Variants in SPN observed in about 807,000 individuals in gnomAD.
The protein encoded by SPN is sialophorin.
SPN carries 6 observed loss-of-function variants against 8.4 expected under a neutral mutation model. The observed-to-expected ratio is 0.72, with a 90% confidence interval of 0.39 to 1.42. The LOEUF (loss-of-function observed/expected upper bound fraction) is 1.42, where lower values mean the gene tolerates loss of function less well. SPN is among the 40% of genes most tolerant of loss of function. The probability of loss-of-function intolerance (pLI) is 0.02; values close to 1 mark genes in which losing one functional copy is unlikely to be tolerated. For synonymous variants in SPN, 201 were observed against 222.6 expected (o/e 0.90, Z 0.86); for missense variants, 517 against 530.6 (o/e 0.97, Z 0.25).
Position 29,665,326 on chromosome 16 carries a change from G to T in SPN, c.*395G>T. 1 of 171,368 alleles carries T rather than the reference G, an allele frequency of 5.8e-6. No individual in the cohort carries two copies. 10.6% of individuals were successfully genotyped at this position (171,368 alleles called of 1,614,324 possible). ...CTGCCTCAGCCTCCCAAAGTGCTGA[G>T]ATTACAGACATGAGCCTCCGCGCCT... On this transcript the variant is annotated 3_prime_UTR_variant, in exon 2 of 2. Transcript: ENST00000652691.
chr16:29,665,727 A>G lies in SPN; in HGVS notation c.*796A>G, dbSNP rs1966800425. 6.0e-6 allele frequency: 1 copy of G among 167,066 alleles called. No individual in the cohort carries two copies. The highest frequency in any genetic ancestry group is 2.1e-4 in the South Asian group (1 of 4,834). 10.3% of individuals were successfully genotyped at this position (167,066 alleles called of 1,614,324 possible). A position where few individuals can be genotyped will look rare whatever the true frequency, so the allele number is the denominator to read the frequency against. On this transcript the variant is annotated 3_prime_UTR_variant, in exon 2 of 2. Transcript: ENST00000652691. ...ACTTTGTAAAGCACCCTTGCCCTGTAGCTGCAAGGGCTGTGGAACCTGGGC... is the reference window on the plus strand; with the variant it reads ...ACTTTGTAAAGCACCCTTGCCCTGTGGCTGCAAGGGCTGTGGAACCTGGGC...
rs938049252 is a variant in SPN at position 29,663,373 on chromosome 16, T to C, written c.-35+57T>C. ...CTCAGTGGGCCTGGGAATGTGCCTG[T>C]GGCTTGAAAAGACTCTGACAGGTTA... On this transcript the variant is annotated intron_variant, in intron 1 of 1. Transcript: ENST00000652691. The surrounding 1 kb of genome is among the most constrained non-coding windows in gnomAD (Gnocchi z 4.3). The C allele has an allele frequency of 5.1e-6, 1 of 196,580 alleles. No individual in the cohort carries two copies. Among genetic ancestry groups the C allele is most frequent in the African/African-American group, 2.3e-5 (1 of 42,682 alleles). The allele number at this position is 196,580 out of a possible 1,614,324, so 12.2% of individuals were successfully genotyped here.
In SPN at chr16:29,668,672, T is replaced by C. The variant is rs1966840572; in HGVS notation, c.*3741T>C. On this transcript the variant is annotated 3_prime_UTR_variant, in exon 2 of 2. Coordinates refer to ENST00000652691, the MANE Select transcript of SPN (RefSeq NM_003123.6). ...TGTGTTGCCCAGGCTGGTCTCAAAC[T>C]CCTGGGCTCAAGTGGTCCTCCCACC... The C allele has an allele frequency of 6.0e-6, 1 of 166,284 alleles. No homozygotes were observed. The highest frequency in any genetic ancestry group is 1.5e-5 in the Non-Finnish European group (1 of 68,054). The allele number at this position is 166,284 out of a possible 1,614,324, so 10.3% of individuals were successfully genotyped here. A position where few individuals can be genotyped will look rare whatever the true frequency, so the allele number is the denominator to read the frequency against.
chr16:29,666,687 C>G lies in SPN; in HGVS notation c.*1756C>G. On this transcript the variant is annotated 3_prime_UTR_variant, in exon 2 of 2. Transcript: ENST00000652691. ...GTTTGTCTGTGTCTCCTCTTCCATC[C>G]CAGGGGCTGAGCCCCTTCCATCCTC... is the stretch of plus-strand genomic sequence containing the variant. 1 of 341,378 alleles carries G rather than the reference C, an allele frequency of 2.9e-6. No individual in the cohort carries two copies. Among genetic ancestry groups the G allele is most frequent in the Non-Finnish European group, 6.1e-6 (1 of 163,050 alleles). The allele number at this position is 341,378 out of a possible 1,614,324, so 21.1% of individuals were successfully genotyped here. A position where few individuals can be genotyped will look rare whatever the true frequency, so the allele number is the denominator to read the frequency against.
chr16:29,669,068 A>C lies in SPN; in HGVS notation c.*4137A>C, dbSNP rs12929333. ...GAAGCTGAGGCAGGAGGACTGCTTG[A>C]AGCCAGGAGTTTGAGACCAGCCTGG... On this transcript the variant is annotated 3_prime_UTR_variant, in exon 2 of 2. Coordinates refer to ENST00000652691, the MANE Select transcript of SPN (RefSeq NM_003123.6). 0.3 allele frequency: 50,590 copies of C among 166,416 alleles called. 8,149 individuals are homozygous for C. Among genetic ancestry groups the C allele is most frequent in the East Asian group, 0.59 (3,032 of 5,124 alleles). 10.3% of individuals were successfully genotyped at this position (166,416 alleles called of 1,614,324 possible). A position where few individuals can be genotyped will look rare whatever the true frequency, so the allele number is the denominator to read the frequency against.
rs1966810352 is a variant in SPN, at chr16:29,666,476, C to A, written c.*1545C>A. On this transcript the variant is annotated 3_prime_UTR_variant, in exon 2 of 2. Coordinates refer to ENST00000652691, the MANE Select transcript of SPN (RefSeq NM_003123.6). The stretch of plus-strand genomic sequence containing the variant: ...ATGGTAATCCCTTCCTTGAAGTCTC[C>A]ATTTCTGCAGTACACATGCATGTGC... 1 of 168,942 alleles carries A rather than the reference C, an allele frequency of 5.9e-6. No homozygotes were observed. Among genetic ancestry groups the A allele is most frequent in the Admixed American group, 6.4e-5 (1 of 15,600 alleles). The allele number at this position is 168,942 out of a possible 1,614,324, so 10.5% of individuals were successfully genotyped here.
Position 29,663,893 on chromosome 16 carries a change from C to T in SPN, c.165C>T (p.Ala55=), listed in dbSNP as rs572737549. 52 of 1,614,056 alleles carry T rather than the reference C, an allele frequency of 3.2e-5. No individual in the cohort carries two copies. In the Middle Eastern group the frequency reaches 4.9e-4, roughly 15 times the overall value. Residue 55 remains alanine (A), a synonymous_variant, in exon 2 of 2, where the codon GCC becomes GCT. Coordinates refer to ENST00000652691, the MANE Select transcript of SPN (RefSeq NM_003123.6). The surrounding 1 kb of genome is among the most constrained non-coding windows in gnomAD (Gnocchi z 4.3). ...YTTSITSDPK[A]DSTGDQTSAL... Reference sequence around the variant, plus strand: ...CTTCAATAACAAGTGACCCTAAGGCCGACAGCACTGGGGACCAGACCTCAG... The same window carrying T: ...CTTCAATAACAAGTGACCCTAAGGCTGACAGCACTGGGGACCAGACCTCAG...
rs1966765239 is a variant in SPN at position 29,663,801 on chromosome 16, C to T, written c.73C>T (p.Gln25Ter). ...CGCTCTGGGGAGCACAACAGCAGTG[C>T]AGACACCCACCTCCGGAGAGCCTTT... is the stretch of plus-strand genomic sequence containing the variant. ...PDALGSTTAV[Q>*]TPTSGEPLVS... The change falls in exon 2 of 2, where the codon CAG becomes TAG. Residue 25 changes from glutamine (Q) to a stop codon, truncating the protein, a stop_gained. Transcript: ENST00000652691. LOFTEE classifies it low-confidence loss of function (END_TRUNC). The surrounding 1 kb of genome is among the most constrained non-coding windows in gnomAD (Gnocchi z 4.3). 1.2e-6 allele frequency: 2 copies of T among 1,613,598 alleles called. No homozygotes were observed. Among genetic ancestry groups the T allele is most frequent in the African/African-American group, 1.3e-5 (1 of 74,902 alleles).
chr16:29,665,531 C>T lies in SPN; in HGVS notation c.*600C>T, dbSNP rs908880244. ...CATCCACCCCTATTTATCTCCATCA[C>T]CATTTCCCCCTCTTTCTTGTTCCTG... On this transcript the variant is annotated 3_prime_UTR_variant, in exon 2 of 2. Transcript: ENST00000652691. The T allele has an allele frequency of 1.2e-5, 2 of 167,310 alleles. No homozygotes were observed. Among genetic ancestry groups the T allele is most frequent in the Non-Finnish European group, 2.9e-5 (2 of 68,334 alleles). The allele number at this position is 167,310 out of a possible 1,614,324, so 10.4% of individuals were successfully genotyped here.
In SPN at chr16:29,670,820, T is replaced by A. The variant is rs772930584; in HGVS notation, c.*5889T>A. The A allele has an allele frequency of 1.5e-5, 7 of 451,788 alleles. No homozygotes were observed. The highest frequency in any genetic ancestry group is 1.1e-4 in the South Asian group (7 of 63,068). The allele number at this position is 451,788 out of a possible 1,614,324, so 28.0% of individuals were successfully genotyped here. A position where few individuals can be genotyped will look rare whatever the true frequency, so the allele number is the denominator to read the frequency against. On this transcript the variant is annotated 3_prime_UTR_variant, in exon 2 of 2. Transcript: ENST00000652691. Reference sequence around the variant, plus strand: ...GTGATTTTTATTTTGTTTATGCTCTTCTGTATTTTCCGAATTTCATACAAT... The same window carrying A: ...GTGATTTTTATTTTGTTTATGCTCTACTGTATTTTCCGAATTTCATACAAT...
Position 29,663,627 on chromosome 16 carries a change from G to T in SPN, c.-34-68G>T. 6.7e-7 allele frequency: 1 copy of T among 1,485,062 alleles called. No individual in the cohort carries two copies. 92.0% of individuals were successfully genotyped at this position (1,485,062 alleles called of 1,614,324 possible). A position where few individuals can be genotyped will look rare whatever the true frequency, so the allele number is the denominator to read the frequency against. On this transcript the variant is annotated intron_variant, in intron 1 of 1. Coordinates refer to ENST00000652691, the MANE Select transcript of SPN (RefSeq NM_003123.6). This position sits in a 1 kb window ranked among gnomAD's most constrained non-coding sequence, Gnocchi z 4.3. ...CTGGCCGTTGGCAGGGAAGTGGGCA[G>T]AGGGGAGGCCCGGCCAGGTCCTCCG...
Position 29,666,868 on chromosome 16 carries a change from T to TC in SPN, c.*1940dup. 2.1e-6 allele frequency: 1 copy of TC among 470,678 alleles called. No homozygotes were observed. Among genetic ancestry groups the TC allele is most frequent in the Non-Finnish European group, 4.4e-6 (1 of 226,730 alleles). The allele number at this position is 470,678 out of a possible 1,614,324, so 29.2% of individuals were successfully genotyped here. A position where few individuals can be genotyped will look rare whatever the true frequency, so the allele number is the denominator to read the frequency against. ...CACATGGGCCAGGGCAGTTGGTATT[T>TC]CCCGAGGACAAAGAGGAAATTTTCA... On this transcript the variant is annotated 3_prime_UTR_variant, in exon 2 of 2. Coordinates refer to ENST00000652691, the MANE Select transcript of SPN (RefSeq NM_003123.6).
Position 29,663,377 on chromosome 16 carries a change from T to C in SPN, c.-35+61T>C. ...GTGGGCCTGGGAATGTGCCTGTGGC[T>C]TGAAAAGACTCTGACAGGTTATGAT... On this transcript the variant is annotated intron_variant, in intron 1 of 1. Transcript: ENST00000652691. This position sits in a 1 kb window ranked among gnomAD's most constrained non-coding sequence, Gnocchi z 4.3. 1 of 201,464 alleles carries C rather than the reference T, an allele frequency of 5.0e-6. No homozygotes were observed. The highest frequency in any genetic ancestry group is 5.9e-5 in the Admixed American group (1 of 17,056). The allele number at this position is 201,464 out of a possible 1,614,324, so 12.5% of individuals were successfully genotyped here.
Position 29,670,662 on chromosome 16 carries a change from C to A in SPN, c.*5731C>A, listed in dbSNP as rs1490038093. On this transcript the variant is annotated 3_prime_UTR_variant, in exon 2 of 2. Coordinates refer to ENST00000652691, the MANE Select transcript of SPN (RefSeq NM_003123.6). ...ATATAATGTTAAGTGGGGAAAAAAG[C>A]AAGTTACTCCTCTGTAATACATATG... The A allele has an allele frequency of 2.4e-6, 1 of 409,362 alleles. No individual in the cohort carries two copies. Among genetic ancestry groups the A allele is most frequent in the Admixed American group, 2.9e-5 (1 of 34,422 alleles). The allele number at this position is 409,362 out of a possible 1,614,324, so 25.4% of individuals were successfully genotyped here.
rs1385302870 is a variant in SPN, at chr16:29,664,108, C to T, written c.380C>T (p.Ser127Phe). The T allele has an allele frequency of 1.9e-6, 3 of 1,614,090 alleles. No individual in the cohort carries two copies. The Admixed American group carries it at 5.0e-5, about 27-fold the overall frequency. Residue 127 changes from serine (S) to phenylalanine (F), a missense_variant, in exon 2 of 2, where the codon TCC becomes TTC. By Grantham distance (155) the Ser-to-Phe change is radical. Coordinates refer to ENST00000652691, the MANE Select transcript of SPN (RefSeq NM_003123.6). This position sits in a 1 kb window ranked among gnomAD's most constrained non-coding sequence, Gnocchi z 6.4. The part of the protein sequence containing the change: ...AVPITANSLG[S>F]HTVTGGTITT... ...CCCATAACAGCAAACTCTCTAGGATCCCACACCGTGACAGGTGGAACCATA... is the reference window on the plus strand; with the variant it reads ...CCCATAACAGCAAACTCTCTAGGATTCCACACCGTGACAGGTGGAACCATA...
rs545710589 is a variant in SPN, at chr16:29,664,858, T to C, written c.1130T>C (p.Val377Ala). The change falls in exon 2 of 2, where the codon GTG becomes GCG. Residue 377 changes from valine (V) to alanine (A), a missense_variant. Physicochemically the swap from Val to Ala is moderately conservative, Grantham distance 64. Transcript: ENST00000652691. This position sits in a 1 kb window ranked among gnomAD's most constrained non-coding sequence, Gnocchi z 6.4. ...PSLKGEEEPLVASEDGAVDAP... is the reference protein window; with the variant it reads ...PSLKGEEEPLAASEDGAVDAP... ...CTCAAAGGGGAGGAGGAGCCACTGG[T>C]GGCCAGTGAGGATGGGGCTGTGGAC... The C allele has an allele frequency of 8.5e-5, 127 of 1,496,408 alleles. No individual in the cohort carries two copies. The Admixed American group carries it at 1.0e-3, about 12-fold the overall frequency. 92.7% of individuals were successfully genotyped at this position (1,496,408 alleles called of 1,614,324 possible).
chr16:29,666,548 ACACACGCGCGCGCG>A lies in SPN; in HGVS notation c.*1619_*1632del, dbSNP rs1966815639. On this transcript the variant is annotated 3_prime_UTR_variant, in exon 2 of 2. Transcript: ENST00000652691. ...CTCACACACACACACACACACACAC[ACACACGCGCGCGCG>A]CGCGCGCTCTCCTGCGAACAGAGGC... The A allele has an allele frequency of 4.5e-5, 8 of 177,114 alleles. No homozygotes were observed. Among genetic ancestry groups the A allele is most frequent in the African/African-American group, 1.6e-4 (6 of 36,764 alleles). The allele number at this position is 177,114 out of a possible 1,614,324, so 11.0% of individuals were successfully genotyped here. A position where few individuals can be genotyped will look rare whatever the true frequency, so the allele number is the denominator to read the frequency against.
In SPN at chr16:29,668,005, T is replaced by C. The variant is rs551535237; in HGVS notation, c.*3074T>C. ...GTGTGTGTGTGCGCGCATGTGTGTG[T>C]GCATGCATGTTCTCCCATGCATGTG... is the stretch of plus-strand genomic sequence containing the variant. On this transcript the variant is annotated 3_prime_UTR_variant, in exon 2 of 2. Transcript: ENST00000652691. 3 of 167,174 alleles carry C rather than the reference T, an allele frequency of 1.8e-5. No homozygotes were observed. In the East Asian group the frequency reaches 5.8e-4, roughly 32 times the overall value. 10.4% of individuals were successfully genotyped at this position (167,174 alleles called of 1,614,324 possible). A position where few individuals can be genotyped will look rare whatever the true frequency, so the allele number is the denominator to read the frequency against.
Position 29,668,715 on chromosome 16 carries a change from T to TGGGATTATAGGTTTGAGCCA in SPN, c.*3796_*3797insTTGAGCCAGGGATTATAGGT. ...CTCCCACCTAAGCTTCCCCAAATAC[T>TGGGATTATAGGTTTGAGCCA]GGGATTATAGGTGTGAGCCACTGTG... is the stretch of plus-strand genomic sequence containing the variant. On this transcript the variant is annotated 3_prime_UTR_variant, in exon 2 of 2. Coordinates refer to ENST00000652691, the MANE Select transcript of SPN (RefSeq NM_003123.6). 6.0e-6 allele frequency: 1 copy of TGGGATTATAGGTTTGAGCCA among 165,756 alleles called. No individual in the cohort carries two copies. The highest frequency in any genetic ancestry group is 2.1e-4 in the South Asian group (1 of 4,758). The allele number at this position is 165,756 out of a possible 1,614,324, so 10.3% of individuals were successfully genotyped here.
Sources: gnomAD v4.1 joint callset for allele counts on GRCh38, gnomAD v4.1.1 for gene constraint, Gnocchi (gnomAD v3.1) non-coding constraint, MANE v1.5 for transcripts, NCBI Gene and HGNC (gene_info 2026-07-23, HGNC 2026-07-21) for gene names.